ANKRD11: variants seen among roughly 807,000 people sequenced by gnomAD.
ANKRD11 encodes ankyrin repeat domain 11, also known as ankyrin repeat domain-containing protein 11.
A neutral mutation model predicts 195.7 loss-of-function variants in ANKRD11; 17 were observed. That is an observed-to-expected ratio of 0.09 (90% confidence interval 0.06 to 0.13). ANKRD11 has a LOEUF of 0.13. Among genes scored for constraint, ANKRD11 ranks in the 10% least tolerant of loss-of-function variants. ANKRD11 has a pLI of 1.00. For synonymous variants in ANKRD11, 1,953 were observed against 1,528.1 expected, an observed-to-expected ratio of 1.28 and a Z score of -6.49; for missense variants, 3,735 against 3,566.1, an observed-to-expected ratio of 1.05 and a Z score of -1.21.
At position 89,285,115 on chromosome 16, in the gene ANKRD11, A is replaced by T. The variant is rs141997519; in HGVS notation, c.1427T>A (p.Phe476Tyr). The change falls in exon 9 of 13, where the codon TTC becomes TAC. Residue 476 changes from phenylalanine to tyrosine, a missense_variant. By Grantham distance (22) the Phe-to-Tyr change is conservative. Transcript: ENST00000301030. This position sits in a 1 kb window ranked among gnomAD's most constrained non-coding sequence, Gnocchi z 5.6. ...EVRFGKRSDK[F>Y]CSSESESESS... ...CTCGCTCTCCGACTCCGAGGAGCAGAACTTGTCGCTCCGCTTTCCGAAGCG... is the reference window on the plus strand; with the variant it reads ...CTCGCTCTCCGACTCCGAGGAGCAGTACTTGTCGCTCCGCTTTCCGAAGCG... 6 of 1,613,648 alleles carry T rather than the reference A, an allele frequency of 3.7e-6. No homozygotes were observed. The African/African-American group carries it at 6.7e-5, about 18-fold the overall frequency.
chr16:89,284,362 T>G lies in ANKRD11; in HGVS notation c.2180A>C (p.Asp727Ala). The change falls in exon 9 of 13, where the codon GAC becomes GCC. Residue 727 changes from aspartate to alanine, a missense_variant. Physicochemically the swap from Asp to Ala is moderately radical, Grantham distance 126. Coordinates refer to ENST00000301030, the MANE Select transcript of ANKRD11 (RefSeq NM_013275.6). ...SLKRIKDTNK[D>A]ISRSFREEKD... ...CTCTTCTCGGAAAGACCTGCTGATG[T>G]CTTTGTTTGTGTCTTTGATTCTCTT... The G allele has an allele frequency of 6.2e-7, 1 of 1,613,920 alleles. No individual in the cohort carries two copies.
intron 3 of ANKRD11, among the ~76,000 whole-genome samples, chr16:89,313,755 G>C (rs923643835): frequency 3.3e-5 from 5 of 152,182 alleles, no homozygotes; most frequent in African/African-American, 1.2e-4. Context: ...AAGGAATACA[G>C]CCTCTTCTAA....
In ANKRD11 at chr16:89,291,743, T is replaced by A. The variant is rs1206652190; in HGVS notation, c.227-560A>T. On this transcript the variant is annotated intron_variant, in intron 4 of 12. Transcript: ENST00000301030. This position sits in a 1 kb window ranked among gnomAD's most constrained non-coding sequence, Gnocchi z 5.3. ...TGGTGCTTCGAGGAGCGTACCAGCC[T>A]TGCAGCACCACAACAGGGACTGGGC... The A allele has an allele frequency of 3.9e-6, 5 of 1,289,722 alleles. No homozygotes were observed. The highest frequency in any genetic ancestry group is 4.0e-6 in the Non-Finnish European group (4 of 988,878). 79.9% of individuals were successfully genotyped at this position (1,289,722 alleles called of 1,614,324 possible). A position where few individuals can be genotyped will look rare whatever the true frequency, so the allele number is the denominator to read the frequency against.
rs755799475 is a variant in ANKRD11, at chr16:89,284,724, C to G, written c.1818G>C (p.Glu606Asp). 2 of 1,613,836 alleles carry G rather than the reference C, an allele frequency of 1.2e-6. No homozygotes were observed. The highest frequency in any genetic ancestry group is 1.7e-6 in the Non-Finnish European group (2 of 1,179,982). The change falls in exon 9 of 13, where the codon GAG becomes GAC. Residue 606 changes from glutamate (E) to aspartate (D), a missense_variant. Transcript: ENST00000301030. ...CGCTGGACAGGAAGGGGCTCTTCTT[C>G]TCCGACAGGGAGGCTCGCTTCCTGT... ...QEHRKRASLS[E>D]KKSPFLSSAE...
At chr16:89,486,629 T>C (rs2152381886) in intron 1 of ANKRD11, among the ~76,000 whole-genome samples, 1 of 152,270 alleles carries the variant, frequency 6.6e-6, no homozygotes. Context: ...GCAGCCAGAA[T>C]GACTGGAAGC....
rs2034195912 is a variant in ANKRD11 at position 89,281,111 on chromosome 16, T to A, written c.5431A>T (p.Arg1811Trp). The A allele has an allele frequency of 6.2e-7, 1 of 1,611,716 alleles. No homozygotes were observed. The highest frequency in any genetic ancestry group is 1.1e-5 in the South Asian group (1 of 91,054). The change falls in exon 9 of 13, where the codon AGG becomes TGG. Residue 1811 changes from arginine to tryptophan, a missense_variant. Coordinates refer to ENST00000301030, the MANE Select transcript of ANKRD11 (RefSeq NM_013275.6). The surrounding 1 kb of genome is among the most constrained non-coding windows in gnomAD (Gnocchi z 5.5). ...GAGGCAGCAGGAACGCTCTGCTGCC[T>A]GAAGAGCTTGTCTCCGACGCTGAAT... ...EEFSVGDKLFRQQSVPAASSY... is the reference protein window; with the variant it reads ...EEFSVGDKLFWQQSVPAASSY...
chr16:89,343,157 G>GT (rs1486982144), intron 2 of ANKRD11, among the ~76,000 whole-genome samples: 2 of 152,184 alleles, frequency 1.3e-5, no homozygotes, highest in African/African-American at 4.8e-5. Context: ...CCTGGCTCAT[G>GT]TTTTTGTATT....
intron 1 of ANKRD11, among the ~76,000 whole-genome samples, chr16:89,428,780 G>A (rs2042840372): frequency 6.6e-6 from 1 of 152,020 alleles, no homozygotes; most frequent in Non-Finnish European, 1.5e-5. Context: ...TGTAGTCCCA[G>A]CTACTCAGGA....
intron 2 of ANKRD11, among the ~76,000 whole-genome samples, chr16:89,332,383 GC>G (rs990465971): frequency 6.6e-6 from 1 of 152,126 alleles, no homozygotes; most frequent in Admixed American, 6.5e-5. Flanking sequence ...GAAACACTGA[GC>G]CCCCCAAGTC....
At chr16:89,470,584 G>T (rs1307924164) in intron 1 of ANKRD11, among the ~76,000 whole-genome samples, 1 of 152,148 alleles carries the variant, frequency 6.6e-6, no homozygotes, top group South Asian at 2.1e-4. Context: ...GATGGCTCAC[G>T]CCTCTAATCC....
At position 89,268,416 on chromosome 16, in the gene ANKRD11, C is replaced by T; in HGVS notation, c.*62G>A. Reference sequence around the variant, plus strand: ...GGCGCTCCCTCCTCCGCCCCTGGGGCTCAGCAGCAGTCCTGGGCAGCCGTG... The same window carrying T: ...GGCGCTCCCTCCTCCGCCCCTGGGGTTCAGCAGCAGTCCTGGGCAGCCGTG... On this transcript the variant is annotated 3_prime_UTR_variant, in exon 13 of 13. Transcript: ENST00000301030. 1.3e-6 allele frequency: 1 copy of T among 755,096 alleles called. No individual in the cohort carries two copies. The highest frequency in any genetic ancestry group is 2.1e-6 in the Non-Finnish European group (1 of 474,232). The allele number at this position is 755,096 out of a possible 1,614,324, so 46.8% of individuals were successfully genotyped here. A position where few individuals can be genotyped will look rare whatever the true frequency, so the allele number is the denominator to read the frequency against.
chr16:89,423,482 G>T (rs1433667518), intron 1 of ANKRD11, among the ~76,000 whole-genome samples: 1 of 152,238 alleles, frequency 6.6e-6, no homozygotes, highest in Non-Finnish European at 1.5e-5. Flanking sequence ...GACTAGTGCG[G>T]AGCTGTGGCT....
At chr16:89,459,875 G>C (rs547044705) in intron 1 of ANKRD11, among the ~76,000 whole-genome samples, 3 of 151,870 alleles carry the variant, frequency 2.0e-5, no homozygotes, top group African/African-American at 7.2e-5. Flanking sequence ...CGAGATTGCA[G>C]TGAGCCAATT....
chr16:89,301,093 A>G lies in ANKRD11; in HGVS notation c.226+4113T>C, dbSNP rs964719762. 7 of 534,108 alleles carry G rather than the reference A, an allele frequency of 1.3e-5. No individual in the cohort carries two copies. The African/African-American group carries it at 1.4e-4, about 10-fold the overall frequency. 33.1% of individuals were successfully genotyped at this position (534,108 alleles called of 1,614,324 possible). On this transcript the variant is annotated intron_variant, in intron 4 of 12. Coordinates refer to ENST00000301030, the MANE Select transcript of ANKRD11 (RefSeq NM_013275.6). ...CAACCTCAAAAACATTCGCTGGTTG[A>G]CTGATTATTTATTTATCTATTTTAT... is the stretch of plus-strand genomic sequence containing the variant.
intron 3 of ANKRD11, among the ~76,000 whole-genome samples, chr16:89,309,583 C>A (rs2036496854): frequency 6.6e-6 from 1 of 152,234 alleles, no homozygotes; most frequent in South Asian, 2.1e-4. Flanking sequence ...GGCAAGGCGC[C>A]TGTGTGACAC....
chr16:89,282,512 G>A lies in ANKRD11; in HGVS notation c.4030C>T (p.Leu1344=), dbSNP rs771640663. 6.2e-7 allele frequency: 1 copy of A among 1,613,980 alleles called. No individual in the cohort carries two copies. Among genetic ancestry groups the A allele is most frequent in the Non-Finnish European group, 8.5e-7 (1 of 1,179,986 alleles). ...TGTCTGTGCCTCTCCTTCTCTTTCA[G>A]CTTCTCAGGGAGGCAGGCGCTCTCC... ...PRESACLPEK[L]KEKERHRHSS... is the part of the protein sequence containing the mutation. Residue 1344 remains leucine (L), a synonymous_variant, in exon 9 of 13, where the codon CTG becomes TTG. Coordinates refer to ENST00000301030, the MANE Select transcript of ANKRD11 (RefSeq NM_013275.6).
At chr16:89,384,879 C>CTTTTTTTTTTTTTCTT (rs2040834686) in intron 2 of ANKRD11, among the ~76,000 whole-genome samples, 1 of 49,910 alleles carries the variant, frequency 2.0e-5, no homozygotes, top group Non-Finnish European at 3.5e-5. Context: ...AAATAGTTTT[C>CTTTTTTTTTTTTTCTT]TTTTTTTTTT....
At chr16:89,439,752 C>T (rs2043364766) in intron 1 of ANKRD11, among the ~76,000 whole-genome samples, 1 of 152,230 alleles carries the variant, frequency 6.6e-6, no homozygotes, top group Non-Finnish European at 1.5e-5. Flanking sequence ...CACTGACACA[C>T]AACACCAAAG....
intron 4 of ANKRD11, among the ~76,000 whole-genome samples, chr16:89,292,159 C>T (rs549741142): frequency 7.9e-5 from 12 of 152,196 alleles, no homozygotes; most frequent in Admixed American, 2.6e-4. Flanking sequence ...CAAGGCCTGA[C>T]TCGGGGAAGA....
Sources: allele counts gnomAD v4.1 joint callset (sites outside exome capture counted in the v4.1 genomes callset), GRCh38; gene constraint gnomAD v4.1.1; non-coding constraint Gnocchi (gnomAD v3.1); transcripts MANE v1.5; gene names NCBI Gene and HGNC (gene_info 2026-07-23, HGNC 2026-07-21).